The following CRYBG1 variants were observed in gnomAD, a reference collection of about 807,000 sequenced individuals.
The protein encoded by CRYBG1 is beta/gamma crystallin domain-containing protein 1.
In CRYBG1, 139 loss-of-function variants were observed where a neutral mutation model predicts 189.2. That is an observed-to-expected ratio of 0.73 (90% CI 0.64 to 0.85). The LOEUF is 0.85. CRYBG1 is among the 40% of genes least tolerant of loss of function. The pLI, the probability that CRYBG1 is intolerant of heterozygous loss-of-function variation, is 0.00. For missense variants in CRYBG1, 2,611 were observed against 2,675.8 expected, an observed-to-expected ratio of 0.98 and a Z score of 0.53; for synonymous variants, 1,023 against 1,017.1, an observed-to-expected ratio of 1.01 and a Z score of -0.11.
chr6:106,493,166 CAG>C (rs1414212427), intron 2 of CRYBG1, among the ~76,000 whole-genome samples: 1 of 151,966 alleles, frequency 6.6e-6, no homozygotes, highest in Non-Finnish European at 1.5e-5. Context: ...TTCTGAAAAA[CAG>C]AAACAATCTT....
intron 3 of CRYBG1, among the ~76,000 whole-genome samples, chr6:106,517,104 G>T (rs1173276061): frequency 1.3e-5 from 2 of 148,340 alleles, no homozygotes; most frequent in African/African-American, 5.0e-5. Flanking sequence ...TGATCTTCTG[G>T]ACTCAAGTGA....
rs1774983896 is a variant in CRYBG1 at position 106,569,123 on chromosome 6, C to T, written c.*557C>T. ...GCACAATGGGAAAGCCTTAGGTATT[C>T]ACACATTTAAGGAACTCTAAACAAA... On this transcript the variant is annotated 3_prime_UTR_variant, in exon 22 of 22. Transcript: ENST00000633556. 6.6e-6 allele frequency: 1 copy of T among 152,224 alleles called. No individual in the cohort carries two copies. The highest frequency in any genetic ancestry group is 2.4e-5 in the African/African-American group (1 of 41,446). The allele number at this position is 152,224 out of a possible 1,614,324, so 9.4% of individuals were successfully genotyped here. A position where few individuals can be genotyped will look rare whatever the true frequency, so the allele number is the denominator to read the frequency against.
At chr6:106,510,012 T>G (rs1048815585) in intron 2 of CRYBG1, among the ~76,000 whole-genome samples, 1 of 152,166 alleles carries the variant, frequency 6.6e-6, no homozygotes, top group Non-Finnish European at 1.5e-5. Flanking sequence ...GTCCATTTGC[T>G]GCATGTAACT....
Position 106,376,421 on chromosome 6 carries a change from T to C in CRYBG1, c.173+15340T>C, listed in dbSNP as rs913396326. ...CTCTGTGCTCAGAGGCTGTATTTAA[T>C]GACTACATGAACCTAGCTCTTTGTC... On this transcript the variant is annotated intron_variant, in intron 1 of 21. Coordinates refer to ENST00000633556, the MANE Select transcript of CRYBG1 (RefSeq NM_001371242.2). 1.3e-4 allele frequency among the ~76,000 whole-genome samples: 20 copies of C among 152,332 alleles called. 2 individuals are homozygous for C. The South Asian group carries it at 1.9e-3, about 14-fold the overall frequency.
chr6:106,520,594 G>C lies in CRYBG1; in HGVS notation c.3386G>C (p.Arg1129Thr), dbSNP rs1341682460. ...ATGCCCATGAAAAGAAAGAAGGCCA[G>C]GATGCCAAACTCTCCTGCTCCTCAC... Reference protein sequence around the residue: ...VCMPMKRKKARMPNSPAPHFA... With the variant: ...VCMPMKRKKATMPNSPAPHFA... The change falls in exon 4 of 22, where the codon AGG becomes ACG. Residue 1129 changes from arginine (R) to threonine (T), a missense_variant. Transcript: ENST00000633556. The C allele has an allele frequency of 6.2e-7, 1 of 1,613,962 alleles. No individual in the cohort carries two copies. Among genetic ancestry groups the C allele is most frequent in the Non-Finnish European group, 8.5e-7 (1 of 1,179,986 alleles).
intron 3 of CRYBG1, among the ~76,000 whole-genome samples, chr6:106,516,768 T>C (rs1298514600): frequency 6.6e-6 from 1 of 152,184 alleles, no homozygotes; most frequent in African/African-American, 2.4e-5. Flanking sequence ...GTTGGGAGCA[T>C]GGCATCTGAA....
At position 106,503,720 on chromosome 6, in the gene CRYBG1, A is replaced by G. The variant is rs144774352; in HGVS notation, c.313-7710A>G. On this transcript the variant is annotated intron_variant, in intron 2 of 21. Transcript: ENST00000633556. ...CTTTTATCTTCCTTTCTGATTGATC[A>G]TGTGTCGATGGCTTGAAACAATTAG... Among the ~76,000 whole-genome samples the G allele has an allele frequency of 5.9e-4, 90 of 152,308 alleles. 1 individual carries two copies. The East Asian group carries it at 0.016, about 28-fold the overall frequency.
chr6:106,360,827 G>A lies in CRYBG1; in HGVS notation c.-82G>A. The A allele has an allele frequency of 7.2e-7, 1 of 1,390,804 alleles. No individual in the cohort carries two copies. Among genetic ancestry groups the A allele is most frequent in the Non-Finnish European group, 9.4e-7 (1 of 1,069,332 alleles). 86.2% of individuals were successfully genotyped at this position (1,390,804 alleles called of 1,614,324 possible). ...CGCGCTGAGAAAGGCGGGCGAGCTG[G>A]CGCTCAGGTGTGTTCTTCCATAGGG... On this transcript the variant is annotated 5_prime_UTR_variant, in exon 1 of 22. Coordinates refer to ENST00000633556, the MANE Select transcript of CRYBG1 (RefSeq NM_001371242.2).
At chr6:106,433,753 ATATGTGTATATATATATATG>A (rs1562305850) in intron 1 of CRYBG1, among the ~76,000 whole-genome samples, 4,155 of 36,468 alleles carry the variant, frequency 0.11, 246 homozygotes, top group East Asian at 0.22. Flanking sequence ...ATGTATATAT[ATATGTGTATATATATATATG>A]TATATATATA....
intron 3 of CRYBG1, among the ~76,000 whole-genome samples, chr6:106,516,329 G>T (rs1376510036): frequency 6.6e-6 from 1 of 151,898 alleles, no homozygotes; most frequent in Non-Finnish European, 1.5e-5. Context: ...CACCTCCCAG[G>T]TTTAAGCAAT....
intron 3 of CRYBG1, among the ~76,000 whole-genome samples, chr6:106,517,455 T>C (rs1017682405): frequency 3.7e-4 from 49 of 134,032 alleles, no homozygotes; most frequent in Non-Finnish European, 5.6e-4. Context: ...TATACACACA[T>C]ATATATATAC....
At chr6:106,478,915 C>T (rs147085462) in intron 2 of CRYBG1, among the ~76,000 whole-genome samples, 69 of 152,298 alleles carry the variant, frequency 4.5e-4, no homozygotes, top group African/African-American at 1.6e-3. Flanking sequence ...TGTCCATCAC[C>T]CCCAGCTGGG....
intron 3 of CRYBG1, among the ~76,000 whole-genome samples, chr6:106,518,825 G>A (rs543328379): frequency 1.5e-4 from 23 of 152,140 alleles, no homozygotes; most frequent in African/African-American, 5.5e-4. Flanking sequence ...TTGGGTGTGT[G>A]ATATGTGCCT....
At position 106,521,417 on chromosome 6, in the gene CRYBG1, C is replaced by A; in HGVS notation, c.4209C>A (p.Ser1403Arg). Residue 1403 changes from serine to arginine, a missense_variant, in exon 4 of 22, where the codon AGC (serine) becomes AGA (arginine). Coordinates refer to ENST00000633556, the MANE Select transcript of CRYBG1 (RefSeq NM_001371242.2). ...GLFKSSRYDP[S>R]ISFSGMSLSD... ...TCAAATCAAGCCGGTATGACCCAAG[C>A]ATTTCTTTTTCTGGAATGTCATTAT... 1 of 1,589,696 alleles carries A rather than the reference C, an allele frequency of 6.3e-7. No individual in the cohort carries two copies.
chr6:106,571,949 G>GC lies in CRYBG1; in HGVS notation c.*3384dup. The stretch of plus-strand genomic sequence containing the variant: ...GCTAGAAAAAAATTTGGGCTCACAG[G>GC]CACTCACCAAATAAGAACGTCAACA... On this transcript the variant is annotated 3_prime_UTR_variant, in exon 22 of 22. Transcript: ENST00000633556. 1 of 1,418,708 alleles carries GC rather than the reference G, an allele frequency of 7.0e-7. No individual in the cohort carries two copies. The highest frequency in any genetic ancestry group is 9.9e-7 in the Non-Finnish European group (1 of 1,005,662). 87.9% of individuals were successfully genotyped at this position (1,418,708 alleles called of 1,614,324 possible).
chr6:106,381,845 G>T (rs1429525169), intron 1 of CRYBG1, among the ~76,000 whole-genome samples: 1 of 152,224 alleles, frequency 6.6e-6, no homozygotes, highest in Non-Finnish European at 1.5e-5. Flanking sequence ...AAGTCCAGTT[G>T]TCCCAGGCTA....
At position 106,460,694 on chromosome 6, in the gene CRYBG1, A is replaced by G. The variant is rs58749849; in HGVS notation, c.312+8862A>G. Among the ~76,000 whole-genome samples the G allele has an allele frequency of 7.2e-3, 1,102 of 152,298 alleles. 10 individuals carry two copies. Among genetic ancestry groups the G allele is most frequent in the African/African-American group, 0.025 (1,045 of 41,556 alleles). ...GTGGTCACTCATATGCAATGAAACT[A>G]GATGAAGGTCTCAGAAGAGTAACTG... On this transcript the variant is annotated intron_variant, in intron 2 of 21. Coordinates refer to ENST00000633556, the MANE Select transcript of CRYBG1 (RefSeq NM_001371242.2).
intron 1 of CRYBG1, among the ~76,000 whole-genome samples, chr6:106,368,571 TA>T (rs1213074931): frequency 2.0e-5 from 3 of 152,166 alleles, no homozygotes; most frequent in African/African-American, 7.2e-5. Flanking sequence ...ACAGTTGCCT[TA>T]AAACATAGCT....
At chr6:106,541,689 TAC>T in intron 10 of CRYBG1, 68 bp downstream of exon 10, 30 of 1,070,522 alleles carry the variant, frequency 2.8e-5, no homozygotes, top group Non-Finnish European at 4.0e-5. Flanking sequence ...CATATATATG[TAC>T]TTAATGTTAT....
Sources: allele counts gnomAD v4.1 joint callset (sites outside exome capture counted in the v4.1 genomes callset), GRCh38; gene constraint gnomAD v4.1.1; transcripts MANE v1.5; gene names NCBI Gene and HGNC (gene_info 2026-07-23, HGNC 2026-07-21).